ADAMTS13: variants seen among roughly 807,000 people sequenced by gnomAD.
ADAMTS13 encodes A disintegrin and metalloproteinase with thrombospondin motifs 13.
In ADAMTS13, 110 loss-of-function variants were observed where a neutral mutation model predicts 155.1. That is an observed-to-expected ratio of 0.71 (90% confidence interval 0.61 to 0.83). The LOEUF (loss-of-function observed/expected upper bound fraction) is 0.83, where lower values mean the gene tolerates loss of function less well. ADAMTS13 is among the 40% of genes least tolerant of loss of function. The probability of loss-of-function intolerance (pLI) is 0.00; values close to 1 mark genes in which losing one functional copy is unlikely to be tolerated. For missense variants in ADAMTS13, 1,707 were observed against 1,891.7 expected (o/e 0.90, Z 1.81); for synonymous variants, 758 against 756.4 (o/e 1.00, Z -0.03).
chr9:133,436,778 A>G (rs1019479779), intron 11 of ADAMTS13, 51 bp from the exon 12 acceptor site: 7 of 433,982 alleles, frequency 1.6e-5, no homozygotes, highest in East Asian at 8.0e-5. Context: ...CAGTGACAAC[A>G]CCCGCCCCCC....
chr9:133,431,568 C>T (rs1588162782), intron 8 of ADAMTS13, among the ~76,000 whole-genome samples: 1 of 152,134 alleles, frequency 6.6e-6, no homozygotes, highest in East Asian at 1.9e-4. Flanking sequence ...CTCAGGTGAT[C>T]CGCCCGCCTT....
intron 23 of ADAMTS13, 24 bp downstream of exon 23, chr9:133,449,989 G>A: frequency 1.3e-6 from 2 of 1,572,302 alleles, no homozygotes; most frequent in Non-Finnish European, 1.7e-6. Flanking sequence ...TGATGGGAGG[G>A]GCAGCTCCTG....
intron 21 of ADAMTS13, among the ~76,000 whole-genome samples, chr9:133,446,749 G>A (rs1185367798): frequency 1.3e-5 from 2 of 152,158 alleles, no homozygotes; most frequent in East Asian, 3.8e-4. Flanking sequence ...TGGAACTGCT[G>A]GACTGTTTTC....
rs1240047040 is a variant in ADAMTS13 at position 133,459,090 on chromosome 9, G to A, written c.4026G>A (p.Gln1342=). ...TCAGCGAGGGCTTCCTGAAGGCTCA[G>A]GCCAGCCTGCGGGGCCAGTACTGGA... ...MEFSEGFLKA[Q]ASLRGQYWTL... Residue 1342 remains glutamine (Q), a synonymous_variant, in exon 29 of 29, where the codon CAG becomes CAA. Coordinates refer to ENST00000355699, the MANE Select transcript of ADAMTS13 (RefSeq NM_139027.6). 2.5e-6 allele frequency: 4 copies of A among 1,612,826 alleles called. No homozygotes were observed. Among genetic ancestry groups the A allele is most frequent in the South Asian group, 1.1e-5 (1 of 91,018 alleles).
chr9:133,456,354 T>G lies in ADAMTS13; in HGVS notation c.3547+139T>G, dbSNP rs901090275. ...TGCATCCCATCTCATGACTGGGGAG[T>G]GATGATCTGCATTTTACAGATGAGG... On this transcript the variant is annotated intron_variant, in intron 26 of 28. Transcript: ENST00000355699. This position sits in a 1 kb window ranked among gnomAD's most constrained non-coding sequence, Gnocchi z 4.4. 7.6e-5 allele frequency: 110 copies of G among 1,449,776 alleles called. No individual in the cohort carries two copies. The African/African-American group carries it at 1.4e-3, about 19-fold the overall frequency. 89.8% of individuals were successfully genotyped at this position (1,449,776 alleles called of 1,614,324 possible). A position where few individuals can be genotyped will look rare whatever the true frequency, so the allele number is the denominator to read the frequency against.
In ADAMTS13 at chr9:133,448,623, G is replaced by A. The variant is rs1554793281; in HGVS notation, c.2756G>A (p.Cys919Tyr). The part of the protein sequence containing the change: ...GRGLMELRFL[C>Y]MDSALRVPVQ... ...GGTCTGATGGAGCTGCGTTTCCTGT[G>A]CATGGACTCTGCCCTCAGGGTGCCT... The change falls in exon 22 of 29, where the codon TGC becomes TAC. Residue 919 changes from cysteine to tyrosine, a missense_variant. Coordinates refer to ENST00000355699, the MANE Select transcript of ADAMTS13 (RefSeq NM_139027.6). 2 of 1,610,412 alleles carry A rather than the reference G, an allele frequency of 1.2e-6. No individual in the cohort carries two copies. Among genetic ancestry groups the A allele is most frequent in the Admixed American group, 3.3e-5 (2 of 60,026 alleles).
rs781935926 is a variant in ADAMTS13 at position 133,457,971 on chromosome 9, C to G, written c.3786C>G (p.Ala1262=). The G allele has an allele frequency of 1.9e-6, 3 of 1,613,764 alleles. No homozygotes were observed. In the South Asian group the frequency reaches 3.3e-5, roughly 18 times the overall value. The change falls in exon 28 of 29, where the codon GCC becomes GCG. Residue 1262 remains alanine, a synonymous_variant. Transcript: ENST00000355699. ...TCGTGAGCCCCTCGCTGAGTCCAGC[C>G]ACGAGTAATGCAGGGGGCTGCCGGC... ...GEIVSPSLSP[A]TSNAGGCRLF...
Position 133,437,477 on chromosome 9 carries a change from C to T in ADAMTS13, c.1436-272C>T, listed in dbSNP as rs36220584. Among the ~76,000 whole-genome samples, 5,638 of 152,260 alleles carry T rather than the reference C, an allele frequency of 0.037. 121 individuals are homozygous for T. Among genetic ancestry groups the T allele is most frequent in the African/African-American group, 0.038 (1,563 of 41,542 alleles). On this transcript the variant is annotated intron_variant, in intron 12 of 28. Transcript: ENST00000355699. ...TTCGCCATGTTGGCTAGGCTGGTTTCAAACTCCTGACGTCAGGTGATCCGC... is the reference window on the plus strand; with the variant it reads ...TTCGCCATGTTGGCTAGGCTGGTTTTAAACTCCTGACGTCAGGTGATCCGC...
intron 14 of ADAMTS13, 22 bp downstream of exon 14, chr9:133,438,388 A>G: frequency 6.2e-7 from 1 of 1,612,774 alleles, no homozygotes. Flanking sequence ...CCCTCGGGGC[A>G]GAGGCTGGGC....
At chr9:133,417,897 C>G (rs900695348), upstream of ADAMTS13, 4 of 1,533,852 alleles carry the variant, frequency 2.6e-6, no homozygotes, top group Non-Finnish European at 3.5e-6. Flanking sequence ...CCGGCCTCCC[C>G]GGGCCCGGCG....
intron 23 of ADAMTS13, among the ~76,000 whole-genome samples, chr9:133,453,610 C>T (rs1220241986): frequency 6.6e-6 from 1 of 151,592 alleles, no homozygotes; most frequent in Non-Finnish European, 1.5e-5. Flanking sequence ...TGCAGTGAGC[C>T]GTGATCACAC....
rs937090118 is a variant in ADAMTS13 at position 133,445,140 on chromosome 9, CA to C, written c.2610+89del. On this transcript the variant is annotated intron_variant, in intron 20 of 28. Transcript: ENST00000355699. The surrounding 1 kb of genome is among the most constrained non-coding windows in gnomAD (Gnocchi z 5.0). ...AGGAGCACCCATTGCCACCGTCCTCCAGGCCAGAGCAAGAACACCATCCTTC... is the reference window on the plus strand; with the variant it reads ...AGGAGCACCCATTGCCACCGTCCTCCGGCCAGAGCAAGAACACCATCCTTC... 9 of 1,411,230 alleles carry C rather than the reference CA, an allele frequency of 6.4e-6. No homozygotes were observed. The Admixed American group carries it at 1.8e-4, about 28-fold the overall frequency. 87.4% of individuals were successfully genotyped at this position (1,411,230 alleles called of 1,614,324 possible).
chr9:133,449,979 T>C lies in ADAMTS13; in HGVS notation c.3044+14T>C, dbSNP rs1554793939. ...CTGCCCACCTAGGTGAGTCAGCCGG[T>C]GATGGGAGGGGCAGCTCCTGGTGTG... On this transcript the variant is annotated intron_variant, in intron 23 of 28. Transcript: ENST00000355699. 1 of 1,586,320 alleles carries C rather than the reference T, an allele frequency of 6.3e-7. No homozygotes were observed. Among genetic ancestry groups the C allele is most frequent in the Non-Finnish European group, 8.6e-7 (1 of 1,169,424 alleles).
Position 133,442,531 on chromosome 9 carries a change from G to A in ADAMTS13, c.2101G>A (p.Ala701Thr), listed in dbSNP as rs782177142. 3.1e-6 allele frequency: 5 copies of A among 1,613,626 alleles called. No homozygotes were observed. In the South Asian group the frequency reaches 5.5e-5, roughly 18 times the overall value. Reference sequence around the variant, plus strand: ...TGGGCCCTGCTCGGTGAGCTGTGGGGCAGGTGAGACCTGGGGAAGGCTCAT... The same window carrying A: ...TGGGCCCTGCTCGGTGAGCTGTGGGACAGGTGAGACCTGGGGAAGGCTCAT... ...VRGPCSVSCGAGLRWVNYSCL... is the reference protein window; with the variant it reads ...VRGPCSVSCGTGLRWVNYSCL... Residue 701 changes from alanine (A) to threonine (T), a missense_variant, in exon 17 of 29, where the codon GCA (alanine) becomes ACA (threonine). By Grantham distance (58) the Ala-to-Thr change is moderately conservative. Coordinates refer to ENST00000355699, the MANE Select transcript of ADAMTS13 (RefSeq NM_139027.6).
intron 19 of ADAMTS13, 109 bp from the exon 20 acceptor site, chr9:133,444,754 C>T: frequency 1.7e-6 from 2 of 1,169,622 alleles, no homozygotes; most frequent in Non-Finnish European, 2.4e-6. Flanking sequence ...TCTTTGGGCT[C>T]CTGGATGTTG....
intron 8 of ADAMTS13, among the ~76,000 whole-genome samples, chr9:133,431,783 T>G (rs1052472772): frequency 6.6e-6 from 1 of 152,156 alleles, no homozygotes; most frequent in Non-Finnish European, 1.5e-5. Context: ...GCCTCCCGAA[T>G]AGCTGGGACT....
intron 19 of ADAMTS13, among the ~76,000 whole-genome samples, chr9:133,444,183 C>CCACTTTAG (rs201276862): frequency 0.014 from 2,142 of 152,274 alleles, 34 homozygotes; most frequent in Non-Finnish European, 0.023. Flanking sequence ...CTCCAGGCAG[C>CCACTTTAG]CACTTTAGCG....
intron 19 of ADAMTS13, 111 bp downstream of exon 19, chr9:133,443,672 C>T (rs1554791652): frequency 2.4e-6 from 3 of 1,260,142 alleles, no homozygotes; most frequent in African/African-American, 1.5e-5. Context: ...TCCGGCGGGG[C>T]CTCACCATCC....
At position 133,425,390 on chromosome 9, in the gene ADAMTS13, C is replaced by T. The variant is rs587769625; in HGVS notation, c.331-139C>T. 16 of 690,562 alleles carry T rather than the reference C, an allele frequency of 2.3e-5. No homozygotes were observed. Among genetic ancestry groups the T allele is most frequent in the Admixed American group, 9.8e-5 (4 of 40,698 alleles). 42.8% of individuals were successfully genotyped at this position (690,562 alleles called of 1,614,324 possible). A position where few individuals can be genotyped will look rare whatever the true frequency, so the allele number is the denominator to read the frequency against. ...TGTGCAGCACATTTTAGGAGCCCCC[C>T]GCCCCGCCCGGTTCCCACACATGCT... On this transcript the variant is annotated intron_variant, in intron 3 of 28. Transcript: ENST00000355699. This position sits in a 1 kb window ranked among gnomAD's most constrained non-coding sequence, Gnocchi z 4.6.
Sources: gnomAD v4.1 joint callset for allele counts (sites outside exome capture counted in the v4.1 genomes callset) on GRCh38, gnomAD v4.1.1 for gene constraint, Gnocchi (gnomAD v3.1) non-coding constraint, MANE v1.5 for transcripts, NCBI Gene and HGNC (gene_info 2026-07-23, HGNC 2026-07-21) for gene names.